Variants in AOAH observed in about 807,000 individuals in gnomAD.
The protein encoded by AOAH is acyloxyacyl hydrolase, also known as acyloxyacyl hydrolase (neutrophil).
AOAH carries 64 observed loss-of-function variants against 92.2 expected under a neutral mutation model. That is an observed-to-expected ratio of 0.69 (90% CI 0.57 to 0.86). The LOEUF (loss-of-function observed/expected upper bound fraction) is 0.86, where lower values mean the gene tolerates loss of function less well. AOAH is among the 40% of genes least tolerant of loss of function. The probability of loss-of-function intolerance (pLI) is 0.00; values close to 1 mark genes in which losing one functional copy is unlikely to be tolerated. For missense variants in AOAH, 656 were observed against 694.6 expected, an observed-to-expected ratio of 0.94 and a Z score of 0.62; for synonymous variants, 263 against 254.5, an observed-to-expected ratio of 1.03 and a Z score of -0.32.
intron 13 of AOAH, among the ~76,000 whole-genome samples, chr7:36,573,194 G>C (rs867342456): frequency 3.9e-5 from 6 of 152,184 alleles, no homozygotes; most frequent in South Asian, 2.1e-4. Context: ...TTCCATCTTA[G>C]AGAAGGACCA....
chr7:36,613,234 G>A, intron 11 of AOAH, among the ~76,000 whole-genome samples: 1 of 152,202 alleles, frequency 6.6e-6, no homozygotes, highest in East Asian at 1.9e-4. Flanking sequence ...ATTCTGTAGA[G>A]AGGCTGTTCC....
chr7:36,716,701 T>C (rs550308931), intron 1 of AOAH, among the ~76,000 whole-genome samples: 1 of 149,772 alleles, frequency 6.7e-6, no homozygotes, highest in East Asian at 2.0e-4. Context: ...GAAACCATCA[T>C]CCTCAGCAAA....
chr7:36,560,958 G>T (rs1201484658), intron 13 of AOAH, among the ~76,000 whole-genome samples: 1 of 152,110 alleles, frequency 6.6e-6, no homozygotes, highest in Admixed American at 6.5e-5. Flanking sequence ...CATAAAGCAG[G>T]GATTAACAGA....
chr7:36,657,276 A>G (rs1398955311), intron 4 of AOAH, among the ~76,000 whole-genome samples: 2 of 152,206 alleles, frequency 1.3e-5, no homozygotes, highest in Non-Finnish European at 2.9e-5. Flanking sequence ...CCGGGGTGTG[A>G]ACCCAGTTCT....
chr7:36,520,692 T>G, intron 20 of AOAH, among the ~76,000 whole-genome samples: 1 of 124,204 alleles, frequency 8.1e-6, no homozygotes, highest in Non-Finnish European at 1.6e-5. Context: ...GCAACAAGAG[T>G]GAAACTCTGT....
At chr7:36,618,185 TA>T in intron 10 of AOAH, 111 bp downstream of exon 10, 2 of 867,038 alleles carry the variant, frequency 2.3e-6, no homozygotes, top group South Asian at 3.0e-5. Context: ...CAGCATAGAG[TA>T]AATCCTAGCA....
At chr7:36,698,398 T>A (rs550844272) in intron 1 of AOAH, among the ~76,000 whole-genome samples, 2 of 152,060 alleles carry the variant, frequency 1.3e-5, no homozygotes, top group African/African-American at 4.8e-5. Context: ...TTTCATCGAT[T>A]CTCTCTATTG....
chr7:36,593,117 TAGG>T (rs1472643129), intron 12 of AOAH, among the ~76,000 whole-genome samples: 15 of 152,316 alleles, frequency 9.8e-5, no homozygotes, highest in Admixed American at 9.8e-4. Flanking sequence ...CGTGGCTCTG[TAGG>T]AGACCTGTCA....
intron 11 of AOAH, among the ~76,000 whole-genome samples, chr7:36,608,110 C>T (rs568970752): frequency 2.0e-5 from 3 of 152,344 alleles, no homozygotes; most frequent in Admixed American, 6.5e-5. Context: ...TGTCCAGGGC[C>T]CACGCTCTTT....
chr7:36,549,475 C>A lies in AOAH; in HGVS notation c.1022G>T (p.Gly341Val), dbSNP rs943492558. Residue 341 changes from glycine (G) to valine (V), a missense_variant and splice_region_variant, in exon 14 of 21, where the codon GGT becomes GTT. Physicochemically the swap from Gly to Val is moderately radical, Grantham distance 109. Transcript: ENST00000617537. ...HRDYQNISRN[G>V]ASSRNLKKFI... The stretch of plus-strand genomic sequence containing the variant: ...TTTCTTCAGGTTTCGGGAAGATGCA[C>A]CTGAATAATTAAAATTAAGAAAACA... The A allele has an allele frequency of 1.3e-6, 2 of 1,584,326 alleles. No individual in the cohort carries two copies. The highest frequency in any genetic ancestry group is 1.1e-5 in the South Asian group (1 of 89,090).
chr7:36,694,948 AAG>A (rs10625179), intron 1 of AOAH, among the ~76,000 whole-genome samples: 1 of 151,390 alleles, frequency 6.6e-6, no homozygotes, highest in East Asian at 1.9e-4. Context: ...GAGGGAGAGA[AAG>A]AGAGAGAGAA....
intron 11 of AOAH, among the ~76,000 whole-genome samples, chr7:36,603,044 A>G (rs1048917226): frequency 1.3e-5 from 2 of 151,998 alleles, no homozygotes; most frequent in African/African-American, 4.8e-5. Context: ...CTCTCTTCCT[A>G]CATCTTCAGT....
chr7:36,620,100 C>T (rs1015454742), intron 9 of AOAH, among the ~76,000 whole-genome samples: 1 of 152,052 alleles, frequency 6.6e-6, no homozygotes, highest in Non-Finnish European at 1.5e-5. Flanking sequence ...TCTGAGACTC[C>T]AGGAATTTGT....
intron 20 of AOAH, among the ~76,000 whole-genome samples, chr7:36,520,633 AAGCGGAGGTTGCGGTG>A (rs2115807941): frequency 6.6e-6 from 1 of 152,030 alleles, no homozygotes; most frequent in South Asian, 2.1e-4. Context: ...TGAAACCAGG[AAGCGGAGGTTGCGGTG>A]AGCGGAGATC....
chr7:36,573,588 T>G (rs1283887913), intron 13 of AOAH, among the ~76,000 whole-genome samples: 1 of 152,068 alleles, frequency 6.6e-6, no homozygotes, highest in Non-Finnish European at 1.5e-5. Flanking sequence ...CGTGGTGGCA[T>G]GTGCCTGTAA....
intron 2 of AOAH, among the ~76,000 whole-genome samples, chr7:36,674,937 G>A (rs1374726071): frequency 6.6e-6 from 1 of 152,188 alleles, no homozygotes; most frequent in Non-Finnish European, 1.5e-5. Context: ...TGACTTTTTA[G>A]ACAAAAAAGT....
intron 3 of AOAH, among the ~76,000 whole-genome samples, chr7:36,669,136 G>T (rs1795742796): frequency 6.6e-6 from 1 of 152,126 alleles, no homozygotes; most frequent in African/African-American, 2.4e-5. Flanking sequence ...AGGGTTAGGG[G>T]AATAGAGCCT....
chr7:36,628,857 A>T (rs895747558), intron 6 of AOAH, among the ~76,000 whole-genome samples: 2 of 152,202 alleles, frequency 1.3e-5, no homozygotes, highest in African/African-American at 4.8e-5. Flanking sequence ...TCAGGCATTT[A>T]AAACCTACTT....
chr7:36,616,454 T>A lies in AOAH; in HGVS notation c.772A>T (p.Ile258Phe). The A allele has an allele frequency of 1.2e-6, 2 of 1,614,080 alleles. No individual in the cohort carries two copies. Among genetic ancestry groups the A allele is most frequent in the Middle Eastern group, 1.7e-4 (1 of 6,060 alleles). The change falls in exon 11 of 21, where the codon ATT (isoleucine) becomes TTT (phenylalanine). Residue 258 changes from isoleucine to phenylalanine, a missense_variant. Coordinates refer to ENST00000617537, the MANE Select transcript of AOAH (RefSeq NM_001637.4). ...GCCCCAGCTGAGTCTCCCAGCAAAA[T>A]GATTCCCCTGGGCTGTGAACCTAGG... ...FCEGSQPRGI[I>F]LLGDSAGAHF... is the part of the protein sequence containing the mutation.
Sources: allele counts gnomAD v4.1 joint callset (sites outside exome capture counted in the v4.1 genomes callset), GRCh38; gene constraint gnomAD v4.1.1; transcripts MANE v1.5; gene names NCBI Gene and HGNC (gene_info 2026-07-23, HGNC 2026-07-21).